The following ZNF737 variants were observed in gnomAD, a reference collection of about 807,000 sequenced individuals.
ZNF737 encodes zinc finger protein 737.
A neutral mutation model predicts 11.7 loss-of-function variants in ZNF737; 13 were observed. The ratio of observed to expected loss-of-function variants is 1.11; its 90% CI spans 0.73 to 1.77. The LOEUF is 1.77. Among genes scored for constraint, ZNF737 ranks in the 40% most tolerant of loss-of-function variants. ZNF737 has a pLI of 0.00. For synonymous variants in ZNF737, 217 were observed against 216.2 expected (o/e 1.00, Z -0.03); for missense variants, 636 against 638.0 (o/e 1.00, Z 0.03).
In ZNF737 at chr19:20,542,071, G is replaced by T. The variant is rs1350186485; in HGVS notation, c.*2521C>A. ...GCCACTGACAGTGATTACTAAAGATGTTATTTTACAATGTATGAAATAGTA... is the reference window on the plus strand; with the variant it reads ...GCCACTGACAGTGATTACTAAAGATTTTATTTTACAATGTATGAAATAGTA... On this transcript the variant is annotated 3_prime_UTR_variant, in exon 4 of 4. Coordinates refer to ENST00000427401, the MANE Select transcript of ZNF737 (RefSeq NM_001159293.2). The T allele has an allele frequency of 5.1e-6, 5 of 985,002 alleles. No homozygotes were observed. 61.0% of individuals were successfully genotyped at this position (985,002 alleles called of 1,614,324 possible).
At chr19:20,564,126 A>G (rs548922265) in intron 1 of ZNF737, 3 of 152,144 alleles carry the variant, frequency 2.0e-5, no homozygotes, top group Non-Finnish European at 4.4e-5. Flanking sequence ...AGATCACGCC[A>G]CTGCACTCCA....
At chr19:20,546,473 T>C (rs10420410) in intron 3 of ZNF737, among the ~76,000 whole-genome samples, 3,467 of 152,128 alleles carry the variant, frequency 0.023, 141 homozygotes, top group African/African-American at 0.079. Flanking sequence ...AACATAGACA[T>C]CCAAACCATA....
chr19:20,545,260 A>G lies in ZNF737; in HGVS notation c.943T>C (p.Cys315Arg), dbSNP rs782158848. 12 of 1,613,206 alleles carry G rather than the reference A, an allele frequency of 7.4e-6. No homozygotes were observed. The highest frequency in any genetic ancestry group is 1.0e-5 in the Non-Finnish European group (12 of 1,179,730). Residue 315 changes from cysteine (C) to arginine (R), a missense_variant, in exon 4 of 4, where the codon TGT becomes CGT. Cys to Arg is a radical substitution (Grantham distance 180). Coordinates refer to ENST00000427401, the MANE Select transcript of ZNF737 (RefSeq NM_001159293.2). ...IIHSGEKPYK[C>R]EECGKAFKHP... ...TTAAAGGCTTTGCCACATTCTTCAC[A>G]TTTGTAGGGTTTCTCTCCGCTATGA...
chr19:20,562,340 ATTTTTTTTT>A (rs56851244), intron 1 of ZNF737, among the ~76,000 whole-genome samples: 2 of 123,754 alleles, frequency 1.6e-5, no homozygotes, highest in East Asian at 2.3e-4. Flanking sequence ...CACCTGGCTA[ATTTTTTTTT>A]TTTTTTTTTG....
rs1027534417 is a variant in ZNF737 at position 20,547,298 on chromosome 19, A to T, written c.227-1322T>A. 6.0e-5 allele frequency among the ~76,000 whole-genome samples: 9 copies of T among 150,064 alleles called. No homozygotes were observed. In the South Asian group the frequency reaches 1.1e-3, roughly 18 times the overall value. On this transcript the variant is annotated intron_variant, in intron 3 of 3. Transcript: ENST00000427401. The stretch of plus-strand genomic sequence containing the variant: ...TCAGAGGCTGAGGCAGGAGAATGGC[A>T]TGAACCTGGGAGGCGGAGCTTGCAG...
At position 20,565,678 on chromosome 19, in the gene ZNF737, G is replaced by T; in HGVS notation, c.-38C>A. 6.2e-7 allele frequency: 1 copy of T among 1,614,144 alleles called. No individual in the cohort carries two copies. Among genetic ancestry groups the T allele is most frequent in the Non-Finnish European group, 8.5e-7 (1 of 1,180,026 alleles). On this transcript the variant is annotated 5_prime_UTR_variant, in exon 1 of 4. Coordinates refer to ENST00000427401, the MANE Select transcript of ZNF737 (RefSeq NM_001159293.2). ...AGGGGCTCCCGGGCGTCTTAGCTGT[G>T]GATCTCCCAATACCTGCAGGACACA...
At position 20,548,974 on chromosome 19, in the gene ZNF737, A is replaced by AC. The variant is rs1261114932; in HGVS notation, c.227-2999_227-2998insG. Among the ~76,000 whole-genome samples, 216 of 120,404 alleles carry AC rather than the reference A, an allele frequency of 1.8e-3. 4 individuals carry two copies. The highest frequency in any genetic ancestry group is 0.011 in the South Asian group (41 of 3,800). The allele number at this position is 120,404 out of a possible 152,430, so 79.0% of individuals were successfully genotyped here. The stretch of plus-strand genomic sequence containing the variant: ...TTAAAGAAAAACTGAAAAAAAAAAA[A>AC]AAAAAACAATTATGTATCTTTTTGA... On this transcript the variant is annotated intron_variant, in intron 3 of 3. Coordinates refer to ENST00000427401, the MANE Select transcript of ZNF737 (RefSeq NM_001159293.2).
At chr19:20,552,909 G>C (rs1251726622) in intron 2 of ZNF737, among the ~76,000 whole-genome samples, 1 of 151,656 alleles carries the variant, frequency 6.6e-6, no homozygotes, top group Non-Finnish European at 1.5e-5. Flanking sequence ...ATACTCATGA[G>C]GCTGAGGCAG....
At chr19:20,564,617 C>T (rs1434909175) in intron 1 of ZNF737, among the ~76,000 whole-genome samples, 2 of 151,240 alleles carry the variant, frequency 1.3e-5, no homozygotes, top group Admixed American at 6.6e-5. Context: ...TGACACTGCA[C>T]TCCAGCTCTG....
downstream of ZNF737, among the ~76,000 whole-genome samples, chr19:20,535,529 T>A (rs1211274426): frequency 0.01 from 314 of 30,604 alleles, no homozygotes; most frequent in African/African-American, 0.036. Context: ...AAAATCCTCG[T>A]TTTTTTTTTT....
intron 1 of ZNF737, among the ~76,000 whole-genome samples, chr19:20,560,122 C>T (rs1445986810): frequency 5.6e-5 from 8 of 141,752 alleles, no homozygotes; most frequent in Non-Finnish European, 9.0e-5. Context: ...GCCGAGATTG[C>T]GCCACTGCAG....
chr19:20,561,292 C>A (rs2144697779), intron 1 of ZNF737, among the ~76,000 whole-genome samples: 1 of 152,130 alleles, frequency 6.6e-6, no homozygotes, highest in Middle Eastern at 3.4e-3. Context: ...CTTGTAGAGA[C>A]TTGTGGGTTC....
chr19:20,558,606 A>G (rs1448295900), intron 1 of ZNF737, among the ~76,000 whole-genome samples: 2 of 152,174 alleles, frequency 1.3e-5, no homozygotes, highest in African/African-American at 4.8e-5. Context: ...GAAACTGGAG[A>G]AACTCTCATC....
chr19:20,544,728 C>A lies in ZNF737; in HGVS notation c.1475G>T (p.Arg492Leu), dbSNP rs374107585. ...KCERCGKAFK[R>L]SFILTRHKRI... ...CTTATGTCTAGTAAGGATAAAGGAG[C>A]GCTTAAAAGCCTTGCCACATCGTTC... is the stretch of plus-strand genomic sequence containing the variant. The change falls in exon 4 of 4, where the codon CGC (arginine) becomes CTC (leucine). Residue 492 changes from arginine (R) to leucine (L), a missense_variant. Physicochemically the swap from Arg to Leu is moderately radical, Grantham distance 102. Transcript: ENST00000427401. 1 of 1,605,558 alleles carries A rather than the reference C, an allele frequency of 6.2e-7. No individual in the cohort carries two copies. The highest frequency in any genetic ancestry group is 1.7e-5 in the Admixed American group (1 of 58,934).
downstream of ZNF737, among the ~76,000 whole-genome samples, chr19:20,534,941 C>CTTAT (rs1276465916): frequency 3.3e-5 from 5 of 149,976 alleles, no homozygotes; most frequent in South Asian, 2.2e-4. Flanking sequence ...ATTTTGAAAA[C>CTTAT]TTATTTTTTA....
In ZNF737 at chr19:20,542,141, C is replaced by T; in HGVS notation, c.*2451G>A. 1 of 985,116 alleles carries T rather than the reference C, an allele frequency of 1.0e-6. No individual in the cohort carries two copies. The allele number at this position is 985,116 out of a possible 1,614,324, so 61.0% of individuals were successfully genotyped here. The stretch of plus-strand genomic sequence containing the variant: ...CTACACCCTTGAGTAAAGTGGGATA[C>T]AGTTAGTGGCACAATAATGGTTCAT... On this transcript the variant is annotated 3_prime_UTR_variant, in exon 4 of 4. Coordinates refer to ENST00000427401, the MANE Select transcript of ZNF737 (RefSeq NM_001159293.2).
At chr19:20,531,973 T>C (rs1406139919), downstream of ZNF737, among the ~76,000 whole-genome samples, 1 of 150,380 alleles carries the variant, frequency 6.6e-6, no homozygotes, top group Non-Finnish European at 1.5e-5. Flanking sequence ...ACTTCTTTTT[T>C]CTTTTGCTAA....
rs782814319 is a variant in ZNF737, at chr19:20,539,810, C to T, written c.*4782G>A. ...CATTTCTGTAATAAATAGTGTAAACCTGTGTCACCAGAATGGTGCAGACAT... is the reference window on the plus strand; with the variant it reads ...CATTTCTGTAATAAATAGTGTAAACTTGTGTCACCAGAATGGTGCAGACAT... On this transcript the variant is annotated 3_prime_UTR_variant, in exon 4 of 4. Transcript: ENST00000427401. 1.0e-6 allele frequency: 1 copy of T among 985,376 alleles called. No individual in the cohort carries two copies. The highest frequency in any genetic ancestry group is 1.2e-6 in the Non-Finnish European group (1 of 829,926). 61.0% of individuals were successfully genotyped at this position (985,376 alleles called of 1,614,324 possible).
Position 20,539,581 on chromosome 19 carries a change from T to C in ZNF737, c.*5011A>G, listed in dbSNP as rs1968115992. On this transcript the variant is annotated 3_prime_UTR_variant, in exon 4 of 4. Transcript: ENST00000427401. ...GTGAATCTAAAAGAAACTATCTACA[T>C]AACTAATCATGGATTCAAAAAATAT... 5 of 979,566 alleles carry C rather than the reference T, an allele frequency of 5.1e-6. No individual in the cohort carries two copies. Among genetic ancestry groups the C allele is most frequent in the Non-Finnish European group, 6.1e-6 (5 of 824,604 alleles). The allele number at this position is 979,566 out of a possible 1,614,324, so 60.7% of individuals were successfully genotyped here.
Sources: allele counts gnomAD v4.1 joint callset (sites outside exome capture counted in the v4.1 genomes callset), GRCh38; gene constraint gnomAD v4.1.1; transcripts MANE v1.5; gene names NCBI Gene and HGNC (gene_info 2026-07-23, HGNC 2026-07-21).